MSI2: variants seen among roughly 807,000 people sequenced by gnomAD.
The protein encoded by MSI2 is musashi RNA binding protein 2.
A neutral mutation model predicts 45.6 loss-of-function variants in MSI2; 17 were observed. That is an observed-to-expected ratio of 0.37 (90% CI 0.26 to 0.56). MSI2 has a LOEUF of 0.56. Among genes scored for constraint, MSI2 ranks in the 20% least tolerant of loss-of-function variants. The pLI, the probability that MSI2 is intolerant of heterozygous loss-of-function variation, is 0.77. For missense variants in MSI2, 293 were observed against 444.2 expected (o/e 0.66, Z 3.06); for synonymous variants, 156 against 158.2 (o/e 0.99, Z 0.11).
intron 6 of MSI2, among the ~76,000 whole-genome samples, chr17:57,446,676 C>T (rs2084906154): frequency 6.6e-6 from 1 of 152,192 alleles, no homozygotes. Flanking sequence ...CAAAGAGATG[C>T]ACTCACATGC....
intron 5 of MSI2, among the ~76,000 whole-genome samples, chr17:57,321,251 C>T (rs115435971): frequency 0.016 from 2,382 of 151,902 alleles, 71 homozygotes; most frequent in African/African-American, 0.055. Context: ...GTGAGTCTCC[C>T]GCCCGCGGCT....
At chr17:57,587,872 G>A (rs991585056) in intron 7 of MSI2, among the ~76,000 whole-genome samples, 2 of 152,108 alleles carry the variant, frequency 1.3e-5, no homozygotes, top group East Asian at 1.9e-4. Context: ...TAATTGACAC[G>A]GCTTTAATAT....
chr17:57,286,647 T>C (rs988216155), intron 5 of MSI2, among the ~76,000 whole-genome samples: 1 of 152,054 alleles, frequency 6.6e-6, no homozygotes. Flanking sequence ...CCAGTGACCT[T>C]TCCCGCCTAA....
chr17:57,652,001 G>A lies in MSI2; in HGVS notation c.728-98G>A. 1 of 1,114,388 alleles carries A rather than the reference G, an allele frequency of 9.0e-7. No homozygotes were observed. Among genetic ancestry groups the A allele is most frequent in the Non-Finnish European group, 1.4e-6 (1 of 732,304 alleles). 69.0% of individuals were successfully genotyped at this position (1,114,388 alleles called of 1,614,324 possible). On this transcript the variant is annotated intron_variant, in intron 10 of 13. Transcript: ENST00000284073. The surrounding 1 kb of genome is among the most constrained non-coding windows in gnomAD (Gnocchi z 4.1). ...AAAATCCCTTCCCACTCCTGTCTTTGTGTGGAGGGCGGGGGGTTGTGTGGC... is the reference window on the plus strand; with the variant it reads ...AAAATCCCTTCCCACTCCTGTCTTTATGTGGAGGGCGGGGGGTTGTGTGGC...
At chr17:57,582,040 G>A (rs1412288833) in intron 7 of MSI2, among the ~76,000 whole-genome samples, 1 of 152,196 alleles carries the variant, frequency 6.6e-6, no homozygotes, top group Admixed American at 6.5e-5. Flanking sequence ...CAGTCAGGAG[G>A]ACCCAGGAGA....
intron 6 of MSI2, among the ~76,000 whole-genome samples, chr17:57,432,944 C>T (rs528429285): frequency 1.4e-4 from 22 of 152,268 alleles, no homozygotes; most frequent in Non-Finnish European, 2.8e-4. Flanking sequence ...TGCTACCAGA[C>T]GCGACTTCCT....
At chr17:57,666,981 GTC>G (rs1342576427) in intron 11 of MSI2, among the ~76,000 whole-genome samples, 3 of 152,244 alleles carry the variant, frequency 2.0e-5, no homozygotes, top group African/African-American at 7.2e-5. Context: ...GTAGGGAGTT[GTC>G]TCCGGGCAGC....
At chr17:57,256,280 G>C (rs980623395), upstream of MSI2, among the ~76,000 whole-genome samples, 2 of 151,764 alleles carry the variant, frequency 1.3e-5, no homozygotes, top group African/African-American at 4.8e-5. Context: ...CGGAGGCGGG[G>C]TCCCCTCCGC....
chr17:57,679,972 G>A lies in MSI2; in HGVS notation c.*455G>A, dbSNP rs1913502142. On this transcript the variant is annotated 3_prime_UTR_variant, in exon 14 of 14. Coordinates refer to ENST00000284073, the MANE Select transcript of MSI2 (RefSeq NM_138962.4). ...AAAACATTTTTTTTTGCTTGTTTTGGTTCTGTTCTCACTTTTAAAGGATGC... is the reference window on the plus strand; with the variant it reads ...AAAACATTTTTTTTTGCTTGTTTTGATTCTGTTCTCACTTTTAAAGGATGC... The A allele has an allele frequency of 4.4e-6, 1 of 226,348 alleles. No homozygotes were observed. Among genetic ancestry groups the A allele is most frequent in the Non-Finnish European group, 8.8e-6 (1 of 114,002 alleles). 14.0% of individuals were successfully genotyped at this position (226,348 alleles called of 1,614,324 possible).
chr17:57,439,221 G>T (rs765307073), intron 6 of MSI2, among the ~76,000 whole-genome samples: 2 of 152,120 alleles, frequency 1.3e-5, no homozygotes, highest in Non-Finnish European at 2.9e-5. Flanking sequence ...TTGGCTTCTG[G>T]CAGTTTTTGA....
intron 7 of MSI2, among the ~76,000 whole-genome samples, chr17:57,541,151 T>TAGAC (rs71365828): frequency 6.7e-6 from 1 of 148,910 alleles, no homozygotes; most frequent in Non-Finnish European, 1.5e-5. Flanking sequence ...TACATTTTGG[T>TAGAC]AGAGAGAGAG....
At chr17:57,647,813 T>C (rs1910798897) in intron 10 of MSI2, among the ~76,000 whole-genome samples, 1 of 151,828 alleles carries the variant, frequency 6.6e-6, no homozygotes, top group Admixed American at 6.6e-5. Flanking sequence ...AGCTAATTTT[T>C]GTATTTTTAG....
At chr17:57,617,332 C>T (rs1412048051) in intron 9 of MSI2, among the ~76,000 whole-genome samples, 4 of 151,752 alleles carry the variant, frequency 2.6e-5, no homozygotes, top group Non-Finnish European at 5.9e-5. Flanking sequence ...GAAGAAGAAA[C>T]AAGTGAGAAT....
intron 5 of MSI2, among the ~76,000 whole-genome samples, chr17:57,336,455 CG>C (rs1372734084): frequency 6.6e-6 from 1 of 152,044 alleles, no homozygotes; most frequent in Non-Finnish European, 1.5e-5. Context: ...CTTCTTTTTT[CG>C]GGGTAATACA....
chr17:57,622,475 T>C (rs1435026471), intron 9 of MSI2, among the ~76,000 whole-genome samples: 1 of 152,132 alleles, frequency 6.6e-6, no homozygotes, highest in African/African-American at 2.4e-5. Flanking sequence ...GTTAGAGAAA[T>C]AGCACATTGC....
At chr17:57,267,285 C>A (rs6503802) in intron 5 of MSI2, 11,199 of 152,274 alleles carry the variant, frequency 0.074, 518 homozygotes, top group African/African-American at 0.12. Context: ...TCGGTGAGCA[C>A]CGCTCCTTCC....
At chr17:57,357,753 G>A (rs1313433164) in intron 5 of MSI2, among the ~76,000 whole-genome samples, 1 of 152,188 alleles carries the variant, frequency 6.6e-6, no homozygotes, top group Non-Finnish European at 1.5e-5. Context: ...AGAGGATTGT[G>A]CTTTCATTCA....
At chr17:57,624,240 A>G (rs570327465) in intron 9 of MSI2, among the ~76,000 whole-genome samples, 1 of 151,690 alleles carries the variant, frequency 6.6e-6, no homozygotes, top group Non-Finnish European at 1.5e-5. Flanking sequence ...AATATTTAAG[A>G]CCCCCAGCTC....
chr17:57,463,902 C>A (rs2085279108), intron 6 of MSI2, among the ~76,000 whole-genome samples: 1 of 152,278 alleles, frequency 6.6e-6, no homozygotes, highest in East Asian at 1.9e-4. Context: ...TGGAACACTT[C>A]AGACTGAAGA....
Sources: allele counts gnomAD v4.1 joint callset (sites outside exome capture counted in the v4.1 genomes callset), GRCh38; gene constraint gnomAD v4.1.1; non-coding constraint Gnocchi (gnomAD v3.1); transcripts MANE v1.5; gene names NCBI Gene and HGNC (gene_info 2026-07-23, HGNC 2026-07-21).